Variants in MAP4K3 observed in about 807,000 individuals in gnomAD.
The protein encoded by MAP4K3 is mitogen-activated protein kinase kinase kinase kinase 3, also known as MAPK/ERK kinase kinase kinase 3.
MAP4K3 carries 94 observed loss-of-function variants against 143.5 expected under a neutral mutation model. The ratio of observed to expected loss-of-function variants is 0.65; its 90% CI spans 0.55 to 0.78. MAP4K3 has a LOEUF of 0.78. MAP4K3 is among the 30% of genes least tolerant of loss of function. MAP4K3 has a pLI of 0.00. For missense variants in MAP4K3, 1,077 were observed against 1,068.1 expected, an observed-to-expected ratio of 1.01 and a Z score of -0.12; for synonymous variants, 416 against 347.2, an observed-to-expected ratio of 1.20 and a Z score of -2.20.
chr2:39,324,388 T>C (rs577696517), intron 12 of MAP4K3, among the ~76,000 whole-genome samples: 57 of 151,780 alleles, frequency 3.8e-4, no homozygotes, highest in Admixed American at 5.9e-4. Context: ...GCCTGGGTAA[T>C]AGAGTAAGAC....
At chr2:39,432,881 C>A (rs1188338770) in intron 1 of MAP4K3, among the ~76,000 whole-genome samples, 1 of 152,162 alleles carries the variant, frequency 6.6e-6, no homozygotes, top group Non-Finnish European at 1.5e-5. Context: ...GCAGCCCGTG[C>A]TTCAGAGGGA....
At chr2:39,415,981 ATATAT>A (rs1445606864) in intron 1 of MAP4K3, among the ~76,000 whole-genome samples, 19 of 13,390 alleles carry the variant, frequency 1.4e-3, no homozygotes, top group Non-Finnish European at 2.3e-3. Flanking sequence ...AAAAAAAAAA[ATATAT>A]ATATATATAT....
chr2:39,324,970 A>C (rs900046281), intron 12 of MAP4K3, among the ~76,000 whole-genome samples: 1 of 152,178 alleles, frequency 6.6e-6, no homozygotes, highest in African/African-American at 2.4e-5. Context: ...TAATTTATGA[A>C]GTATTATATA....
intron 1 of MAP4K3, among the ~76,000 whole-genome samples, chr2:39,397,580 T>A (rs535392071): frequency 6.6e-6 from 1 of 152,166 alleles, no homozygotes; most frequent in Admixed American, 6.5e-5. Flanking sequence ...CCAATAAAAG[T>A]ATCAATTTTT....
intron 2 of MAP4K3, among the ~76,000 whole-genome samples, chr2:39,369,857 G>A (rs1196538878): frequency 6.6e-6 from 1 of 152,214 alleles, no homozygotes; most frequent in East Asian, 1.9e-4. Flanking sequence ...AGTGACCCAT[G>A]AATTAAGTCT....
intron 1 of MAP4K3, among the ~76,000 whole-genome samples, chr2:39,422,343 C>G (rs988296360): frequency 2.6e-5 from 4 of 152,088 alleles, no homozygotes; most frequent in African/African-American, 9.7e-5. Context: ...CCCTAGTTCT[C>G]TGCTATATAT....
chr2:39,354,832 CAA>C (rs1166463400), intron 3 of MAP4K3, among the ~76,000 whole-genome samples: 1 of 151,988 alleles, frequency 6.6e-6, no homozygotes, highest in African/African-American at 2.4e-5. Flanking sequence ...CTGTTGTGCC[CAA>C]AAGAGAAGAG....
chr2:39,435,001 C>G (rs1449084938), intron 1 of MAP4K3, among the ~76,000 whole-genome samples: 8 of 152,080 alleles, frequency 5.3e-5, no homozygotes, highest in African/African-American at 1.9e-4. Context: ...TTTAATATAG[C>G]AAGTACACAG....
At position 39,288,140 on chromosome 2, in the gene MAP4K3, TG is replaced by T; in HGVS notation, c.1454del (p.Pro485HisfsTer7). ...CATTACCTAAGGCAACAGGTTTGTGTGGGGGTAATCTGGGAGGTGGTGGTCT... is the reference window on the plus strand; with the variant it reads ...CATTACCTAAGGCAACAGGTTTGTGTGGGGTAATCTGGGAGGTGGTGGTCT... The part of the protein sequence containing the change: ...PPRPPPPRLP[P>X]HKPVALGNGM... On this transcript the variant is annotated frameshift_variant, in exon 20 of 34. Transcript: ENST00000263881. LOFTEE classifies it high-confidence loss of function. 6.2e-7 allele frequency: 1 copy of T among 1,614,046 alleles called. No individual in the cohort carries two copies. Among genetic ancestry groups the T allele is most frequent in the Non-Finnish European group, 8.5e-7 (1 of 1,179,974 alleles).
At chr2:39,380,004 C>T (rs1666318569) in intron 1 of MAP4K3, among the ~76,000 whole-genome samples, 1 of 151,948 alleles carries the variant, frequency 6.6e-6, no homozygotes, top group African/African-American at 2.4e-5. Context: ...GAGTGGTTTA[C>T]CAAGGTCAAT....
At chr2:39,357,714 T>G (rs1205245173) in intron 2 of MAP4K3, among the ~76,000 whole-genome samples, 2 of 152,230 alleles carry the variant, frequency 1.3e-5, no homozygotes, top group African/African-American at 4.8e-5. Flanking sequence ...CCATTGAGGA[T>G]TCCTGATTTT....
chr2:39,305,554 A>T (rs556316385), intron 15 of MAP4K3, among the ~76,000 whole-genome samples: 2 of 152,324 alleles, frequency 1.3e-5, no homozygotes, highest in Admixed American at 6.5e-5. Flanking sequence ...TTTTGTTACC[A>T]TTGGGAGTGA....
intron 24 of MAP4K3, among the ~76,000 whole-genome samples, chr2:39,276,469 G>C (rs1681258510): frequency 6.6e-6 from 1 of 152,194 alleles, no homozygotes; most frequent in African/African-American, 2.4e-5. Context: ...TCGGTAGAGA[G>C]AATATGGTGA....
chr2:39,306,203 CTA>C (rs1032661380), intron 15 of MAP4K3, among the ~76,000 whole-genome samples: 6 of 151,966 alleles, frequency 3.9e-5, no homozygotes, highest in Non-Finnish European at 8.8e-5. Context: ...TTAATAAATA[CTA>C]GAGTCAATTT....
chr2:39,414,604 G>T (rs149829413), intron 1 of MAP4K3, among the ~76,000 whole-genome samples: 1 of 152,050 alleles, frequency 6.6e-6, no homozygotes, highest in African/African-American at 2.4e-5. Flanking sequence ...GGCCGGGTGC[G>T]GTGGCTCACG....
intron 8 of MAP4K3, among the ~76,000 whole-genome samples, chr2:39,328,579 A>T (rs1683577381): frequency 6.6e-6 from 1 of 152,182 alleles, no homozygotes. Context: ...TAGAGCATTT[A>T]CTAAAAAGGG....
At chr2:39,284,325 C>T (rs1487762255) in intron 21 of MAP4K3, among the ~76,000 whole-genome samples, 1 of 151,988 alleles carries the variant, frequency 6.6e-6, no homozygotes, top group Non-Finnish European at 1.5e-5. Flanking sequence ...CCACACCCGG[C>T]TGTTTCTGTA....
intron 8 of MAP4K3, among the ~76,000 whole-genome samples, chr2:39,329,167 T>G (rs1348339788): frequency 6.6e-6 from 1 of 152,182 alleles, no homozygotes; most frequent in African/African-American, 2.4e-5. Context: ...GTTGGAAATT[T>G]CATCATTAAC....
rs570021913 is a variant in MAP4K3 at position 39,274,845 on chromosome 2, T to C, written c.1795-2303A>G. On this transcript the variant is annotated intron_variant, in intron 24 of 33. Transcript: ENST00000263881. ...AGAGTGCTGAGTACTGAATAAATGTTAGCTATAAATAATAAAAGCAGATAA... is the reference window on the plus strand; with the variant it reads ...AGAGTGCTGAGTACTGAATAAATGTCAGCTATAAATAATAAAAGCAGATAA... Among the ~76,000 whole-genome samples, 3 of 152,342 alleles carry C rather than the reference T, an allele frequency of 2.0e-5. No individual in the cohort carries two copies. In the South Asian group the frequency reaches 6.2e-4, roughly 32 times the overall value.
Sources: gnomAD v4.1 joint callset for allele counts (sites outside exome capture counted in the v4.1 genomes callset) on GRCh38, gnomAD v4.1.1 for gene constraint, MANE v1.5 for transcripts, NCBI Gene and HGNC (gene_info 2026-07-23, HGNC 2026-07-21) for gene names.